VEPH1: variants seen among roughly 807,000 people sequenced by gnomAD.
VEPH1 encodes the protein ventricular zone-expressed PH domain-containing protein homolog 1.
A neutral mutation model predicts 85.2 loss-of-function variants in VEPH1; 80 were observed. The ratio of observed to expected loss-of-function variants is 0.94; its 90% confidence interval spans 0.78 to 1.13. VEPH1 has a LOEUF of 1.13. Among genes scored for constraint, VEPH1 ranks in the 50% most tolerant of loss-of-function variants. VEPH1 has a pLI of 0.00. For synonymous variants in VEPH1, 297 were observed against 348.0 expected (o/e 0.85, Z 1.63); for missense variants, 955 against 980.5 (o/e 0.97, Z 0.35).
intron 6 of VEPH1, among the ~76,000 whole-genome samples, chr3:157,407,372 C>T (rs1731224962): frequency 6.6e-6 from 1 of 152,082 alleles, no homozygotes; most frequent in African/African-American, 2.4e-5. Flanking sequence ...AAAACAAGGC[C>T]TATTTTAAAT....
In VEPH1 at chr3:157,372,523, G is replaced by A. The variant is rs537880069; in HGVS notation, c.1128-8011C>T. On this transcript the variant is annotated intron_variant, in intron 7 of 13. Transcript: ENST00000362010. ...AACTGTAACCCATCTTAGAGTAGCT[G>A]TATCTCAACCATGGCCACACTGGTG... Among the ~76,000 whole-genome samples the A allele has an allele frequency of 2.6e-4, 39 of 152,272 alleles. No individual in the cohort carries two copies. The South Asian group carries it at 5.2e-3, about 20-fold the overall frequency.
At chr3:157,414,943 G>C (rs1731787626) in intron 5 of VEPH1, among the ~76,000 whole-genome samples, 1 of 152,060 alleles carries the variant, frequency 6.6e-6, no homozygotes, top group South Asian at 2.1e-4. Flanking sequence ...GACTTTAAAT[G>C]TAGCTTCCAG....
chr3:157,435,314 A>G (rs1276164748), intron 4 of VEPH1, among the ~76,000 whole-genome samples: 1 of 152,156 alleles, frequency 6.6e-6, no homozygotes, highest in Non-Finnish European at 1.5e-5. Context: ...TTGCTTCCTC[A>G]TATGTTCAAA....
intron 6 of VEPH1, among the ~76,000 whole-genome samples, chr3:157,395,368 T>C (rs1730265818): frequency 6.6e-6 from 1 of 152,204 alleles, no homozygotes; most frequent in Non-Finnish European, 1.5e-5. Flanking sequence ...GAGGGCTCAT[T>C]GCTGGTCTCT....
chr3:157,261,504 C>A, intron 13 of VEPH1, 134 bp from the exon 14 acceptor site: 1 of 1,389,796 alleles, frequency 7.2e-7, no homozygotes, highest in Non-Finnish European at 9.7e-7. Context: ...ATTTTGGGTG[C>A]TAAGGCCTCA....
chr3:157,407,077 G>T (rs911259970), intron 6 of VEPH1, among the ~76,000 whole-genome samples: 4 of 151,714 alleles, frequency 2.6e-5, no homozygotes, highest in Non-Finnish European at 5.9e-5. Context: ...CTATAATAAC[G>T]ATAATACCTA....
At chr3:157,328,895 C>A (rs1256860406) in intron 9 of VEPH1, among the ~76,000 whole-genome samples, 1 of 152,120 alleles carries the variant, frequency 6.6e-6, no homozygotes, top group Admixed American at 6.5e-5. Context: ...GTAGACACTT[C>A]CAGTTTTGTG....
intron 7 of VEPH1, among the ~76,000 whole-genome samples, chr3:157,378,312 A>G (rs1373065025): frequency 0.07 from 161 of 2,304 alleles, no homozygotes; most frequent in Non-Finnish European, 0.081. Flanking sequence ...AATGGTATAT[A>G]TATATATATA....
chr3:157,414,650 C>G (rs1577598570), intron 5 of VEPH1, among the ~76,000 whole-genome samples: 1 of 151,956 alleles, frequency 6.6e-6, no homozygotes, highest in East Asian at 1.9e-4. Context: ...GTCACATTAT[C>G]TTAATATTTT....
chr3:157,429,731 T>G (rs1328862868), intron 4 of VEPH1, among the ~76,000 whole-genome samples: 27 of 152,220 alleles, frequency 1.8e-4, no homozygotes, highest in Non-Finnish European at 2.9e-5. Flanking sequence ...GAGCGTCTCC[T>G]TAAAAGATCA....
intron 4 of VEPH1, among the ~76,000 whole-genome samples, chr3:157,454,778 C>G (rs1735232600): frequency 6.6e-6 from 1 of 152,088 alleles, no homozygotes; most frequent in Admixed American, 6.6e-5. Context: ...CTTTCAGTCC[C>G]CCAGTGTCTA....
At chr3:157,293,261 AT>A (rs1717745876) in intron 11 of VEPH1, among the ~76,000 whole-genome samples, 1 of 152,152 alleles carries the variant, frequency 6.6e-6, no homozygotes, top group African/African-American at 2.4e-5. Context: ...CTCATAGTGC[AT>A]TTCAGTATTC....
chr3:157,488,380 A>C (rs976421726), intron 2 of VEPH1, among the ~76,000 whole-genome samples: 2 of 152,106 alleles, frequency 1.3e-5, no homozygotes, highest in African/African-American at 4.8e-5. Context: ...GTCAATTCTC[A>C]GTCTTGACCA....
At chr3:157,344,149 T>C (rs1303807889) in intron 9 of VEPH1, among the ~76,000 whole-genome samples, 1 of 152,184 alleles carries the variant, frequency 6.6e-6, no homozygotes, top group African/African-American at 2.4e-5. Flanking sequence ...ACCACTCCTA[T>C]TTAACATAGT....
intron 4 of VEPH1, among the ~76,000 whole-genome samples, chr3:157,457,327 T>C (rs1295564856): frequency 2.0e-5 from 3 of 152,178 alleles, no homozygotes; most frequent in African/African-American, 7.2e-5. Context: ...CATCTACAAA[T>C]AGGGATAGTT....
In VEPH1 at chr3:157,347,024, CA is replaced by C. The variant is rs529285104; in HGVS notation, c.1735+16339del. ...ATAGTCCAGGGAATGCAAAGTTAAACATAAAATTTCTAGAAACAATAACATC... is the reference window on the plus strand; with the variant it reads ...ATAGTCCAGGGAATGCAAAGTTAAACTAAAATTTCTAGAAACAATAACATC... On this transcript the variant is annotated intron_variant, in intron 9 of 13. Coordinates refer to ENST00000362010, the MANE Select transcript of VEPH1 (RefSeq NM_001167912.2). 9.6e-4 allele frequency among the ~76,000 whole-genome samples: 146 copies of C among 152,218 alleles called. 1 individual carries two copies. The highest frequency in any genetic ancestry group is 1.7e-3 in the Non-Finnish European group (118 of 67,990).
At chr3:157,299,078 A>T (rs62281371) in intron 11 of VEPH1, among the ~76,000 whole-genome samples, 1 of 152,158 alleles carries the variant, frequency 6.6e-6, no homozygotes, top group Non-Finnish European at 1.5e-5. Flanking sequence ...AAACCTTTTT[A>T]GATGTGTCTT....
chr3:157,500,684 A>T (rs540955735), intron 1 of VEPH1, among the ~76,000 whole-genome samples: 2 of 152,200 alleles, frequency 1.3e-5, no homozygotes, highest in South Asian at 4.2e-4. Context: ...TTCCCTTTTA[A>T]TCCTCTATTC....
At chr3:157,266,183 C>T (rs760177577) in intron 12 of VEPH1, among the ~76,000 whole-genome samples, 2 of 150,968 alleles carry the variant, frequency 1.3e-5, no homozygotes, top group South Asian at 4.2e-4. Flanking sequence ...AGCTATTTGG[C>T]AGCAAAAGTC....
Sources: gnomAD v4.1 joint callset for allele counts (sites outside exome capture counted in the v4.1 genomes callset) on GRCh38, gnomAD v4.1.1 for gene constraint, MANE v1.5 for transcripts, NCBI Gene and HGNC (gene_info 2026-07-23, HGNC 2026-07-21) for gene names.